Variants in DPP6 observed in about 807,000 individuals in gnomAD.
DPP6 encodes the protein A-type potassium channel modulatory protein DPP6.
DPP6 carries 69 observed loss-of-function variants against 122.6 expected under a neutral mutation model. That is an observed-to-expected ratio of 0.56 (90% CI 0.46 to 0.69). DPP6 has a LOEUF of 0.69. Among genes scored for constraint, DPP6 ranks in the 30% least tolerant of loss-of-function variants. The pLI, the probability that DPP6 is intolerant of heterozygous loss-of-function variation, is 0.00. For missense variants in DPP6, 928 were observed against 1,116.9 expected (o/e 0.83, Z 2.41); for synonymous variants, 418 against 433.1 (o/e 0.97, Z 0.43).
At chr7:153,992,766 G>A (rs114012491) in intron 1 of DPP6, among the ~76,000 whole-genome samples, 2 of 152,148 alleles carry the variant, frequency 1.3e-5, no homozygotes, top group Non-Finnish European at 2.9e-5. Context: ...ACTAAATGGG[G>A]TACTTGCTCT....
chr7:154,010,964 C>CT (rs1798127525), intron 1 of DPP6, among the ~76,000 whole-genome samples: 1 of 152,184 alleles, frequency 6.6e-6, no homozygotes, highest in African/African-American at 2.4e-5. Context: ...GAAATGGGTA[C>CT]TTGAGTGGCA....
At chr7:153,951,128 C>G (rs1802191416) in intron 1 of DPP6, among the ~76,000 whole-genome samples, 1 of 152,166 alleles carries the variant, frequency 6.6e-6, no homozygotes, top group Admixed American at 6.5e-5. Flanking sequence ...GCCAAAGTTC[C>G]CATTGTCTAT....
chr7:154,425,203 G>A (rs1490101124), intron 1 of DPP6, among the ~76,000 whole-genome samples: 1 of 152,048 alleles, frequency 6.6e-6, no homozygotes. Flanking sequence ...ATTGGGTATG[G>A]ATTTTAACAG....
intron 1 of DPP6, among the ~76,000 whole-genome samples, chr7:153,898,419 T>G (rs772498008): frequency 3.9e-5 from 6 of 152,138 alleles, no homozygotes; most frequent in Non-Finnish European, 7.3e-5. Context: ...GCCACGGCAC[T>G]CCAGCCTGGG....
At chr7:154,558,456 G>A (rs182810258) in intron 4 of DPP6, among the ~76,000 whole-genome samples, 32 of 152,282 alleles carry the variant, frequency 2.1e-4, no homozygotes, top group Non-Finnish European at 4.3e-4. Context: ...TTAGGATGAG[G>A]TTCAATTAGC....
In DPP6 at chr7:154,697,409, C is replaced by T. The variant is rs1027863054; in HGVS notation, c.762+27968C>T. Among the ~76,000 whole-genome samples the T allele has an allele frequency of 3.3e-5, 5 of 152,192 alleles. No individual in the cohort carries two copies. The South Asian group carries it at 1.0e-3, about 31-fold the overall frequency. On this transcript the variant is annotated intron_variant, in intron 7 of 25. Coordinates refer to ENST00000377770, the MANE Select transcript of DPP6 (RefSeq NM_130797.4). ...CATGTAGGCCTCCAGAGCCAAGACC[C>T]CTGCAGCACCCTGTGCACTCAGGCA...
intron 1 of DPP6, among the ~76,000 whole-genome samples, chr7:154,062,340 CGCGAGGGTGGGG>C (rs1802104904): frequency 2.0e-5 from 1 of 50,434 alleles, no homozygotes; most frequent in African/African-American, 8.7e-5. Context: ...AGGCACCCCC[CGCGAGGGTGGGG>C]ACTGAGAGCT....
At chr7:154,670,923 A>G (rs1838513516) in intron 7 of DPP6, among the ~76,000 whole-genome samples, 1 of 152,246 alleles carries the variant, frequency 6.6e-6, no homozygotes, top group Non-Finnish European at 1.5e-5. Flanking sequence ...CTCTAATGCT[A>G]AAACTGATAA....
intron 1 of DPP6, among the ~76,000 whole-genome samples, chr7:154,115,813 A>G (rs1393830628): frequency 4.6e-5 from 7 of 152,190 alleles, no homozygotes; most frequent in African/African-American, 1.7e-4. Context: ...ATACACAACC[A>G]TCCAAGTAAT....
At chr7:153,838,392 G>A in the DPP6 span, among the ~76,000 whole-genome samples, 1 of 152,154 alleles carries the variant, frequency 6.6e-6, no homozygotes, top group African/African-American at 2.4e-5. Context: ...GAATTCAGTG[G>A]AATTTCTTCA....
At chr7:154,398,142 A>T (rs547645263) in intron 1 of DPP6, among the ~76,000 whole-genome samples, 1 of 152,304 alleles carries the variant, frequency 6.6e-6, no homozygotes, top group South Asian at 2.1e-4. Context: ...ATGACACTAT[A>T]TTGAGACAGT....
At chr7:154,292,808 A>G (rs1434310749) in intron 1 of DPP6, among the ~76,000 whole-genome samples, 1 of 152,246 alleles carries the variant, frequency 6.6e-6, no homozygotes, top group Non-Finnish European at 1.5e-5. Context: ...CAAAAGTTAC[A>G]CAAAACAATA....
At chr7:153,886,905 C>T (rs1798942373), upstream of DPP6, among the ~76,000 whole-genome samples, 4 of 152,188 alleles carry the variant, frequency 2.6e-5, no homozygotes, top group South Asian at 8.3e-4. Flanking sequence ...CTGCGGACGG[C>T]GGCTCCATCC....
chr7:154,128,479 G>A (rs1213902859), intron 1 of DPP6, among the ~76,000 whole-genome samples: 1 of 152,148 alleles, frequency 6.6e-6, no homozygotes, highest in East Asian at 1.9e-4. Flanking sequence ...TCAGCTCACT[G>A]CAAGCTCCGC....
intron 6 of DPP6, among the ~76,000 whole-genome samples, chr7:154,662,243 T>C (rs1586835571): frequency 5.3e-5 from 8 of 151,840 alleles, no homozygotes; most frequent in Admixed American, 6.5e-5. Flanking sequence ...CACCATGGCG[T>C]ATTAGCCATA....
rs566380745 is a variant in DPP6 at position 154,164,317 on chromosome 7, G to C, written c.243+111254G>C. On this transcript the variant is annotated intron_variant, in intron 1 of 25. Transcript: ENST00000377770. ...CAGGAATTAAGACATTGAACATTCTGTCTCATTTCCATGATTTTTCAAACA... is the reference window on the plus strand; with the variant it reads ...CAGGAATTAAGACATTGAACATTCTCTCTCATTTCCATGATTTTTCAAACA... 4.1e-5 allele frequency among the ~76,000 whole-genome samples: 6 copies of C among 145,522 alleles called. No individual in the cohort carries two copies. In the East Asian group the frequency reaches 1.0e-3, roughly 25 times the overall value.
intron 1 of DPP6, among the ~76,000 whole-genome samples, chr7:154,400,791 T>C (rs1815505892): frequency 6.6e-6 from 1 of 152,262 alleles, no homozygotes; most frequent in South Asian, 2.1e-4. Flanking sequence ...CATTTTATTA[T>C]AACAGAAAAG....
intron 1 of DPP6, among the ~76,000 whole-genome samples, chr7:154,320,251 G>A (rs547805366): frequency 5.9e-5 from 9 of 152,066 alleles, no homozygotes; most frequent in Admixed American, 2.0e-4. Context: ...TACACTGACG[G>A]TGCCTCTCAC....
the DPP6 span, among the ~76,000 whole-genome samples, chr7:153,777,809 T>C: frequency 7.2e-6 from 1 of 139,542 alleles, no homozygotes; most frequent in Non-Finnish European, 1.5e-5. Flanking sequence ...TGTATTAAAA[T>C]CTTGGTAGTT....
Sources: allele counts gnomAD v4.1 joint callset (sites outside exome capture counted in the v4.1 genomes callset), GRCh38; gene constraint gnomAD v4.1.1; transcripts MANE v1.5; gene names NCBI Gene and HGNC (gene_info 2026-07-23, HGNC 2026-07-21).